MTHFD1L: variants seen among roughly 807,000 people sequenced by gnomAD.
MTHFD1L encodes the protein monofunctional C1-tetrahydrofolate synthase, mitochondrial.
Under a neutral mutation model 119.5 loss-of-function variants are expected in MTHFD1L, and 81 were observed. That is an observed-to-expected ratio of 0.68 (90% confidence interval 0.57 to 0.82). The LOEUF (loss-of-function observed/expected upper bound fraction) is 0.82. Among genes scored for constraint, MTHFD1L ranks in the 40% least tolerant of loss-of-function variants. The pLI is 0.00. For missense variants in MTHFD1L, 1,125 were observed against 1,253.4 expected (o/e 0.90, Z 1.55); for synonymous variants, 430 against 475.2 (o/e 0.90, Z 1.24).
rs370228388 is a variant in MTHFD1L, at chr6:151,099,487, G to A, written c.*32-2039G>A. 6.0e-5 allele frequency: 74 copies of A among 1,231,818 alleles called. 1 individual carries two copies. Among genetic ancestry groups the A allele is most frequent in the East Asian group, 4.9e-4 (21 of 43,060 alleles). 76.3% of individuals were successfully genotyped at this position (1,231,818 alleles called of 1,614,324 possible). ...TTTTTGCCCTTCTCTCTTCCTCGGC[G>A]CTGCCTATGGAGGTGGCAGCCATCT... On this transcript the variant is annotated intron_variant, in intron 27 of 27. Coordinates refer to ENST00000367321, the MANE Select transcript of MTHFD1L (RefSeq NM_015440.5).
intron 24 of MTHFD1L, among the ~76,000 whole-genome samples, chr6:151,032,239 C>T (rs892398338): frequency 1.2e-4 from 19 of 152,196 alleles, no homozygotes; most frequent in South Asian, 2.1e-4. Flanking sequence ...TATTTTGGCT[C>T]ATGGTTCTGA....
chr6:150,945,568 A>G, intron 15 of MTHFD1L, 27 bp downstream of exon 15: 1 of 1,596,116 alleles, frequency 6.3e-7, no homozygotes, highest in Non-Finnish European at 8.6e-7. Context: ...CAATTCTTTA[A>G]AAAGAAAATA....
At chr6:151,055,071 GC>G (rs1480414264) in intron 26 of MTHFD1L, 1 of 152,140 alleles carries the variant, frequency 6.6e-6, no homozygotes, top group Non-Finnish European at 1.5e-5. Context: ...TTTGAGACCA[GC>G]CTGGCCAACG....
chr6:150,987,631 T>A (rs1481671497), intron 20 of MTHFD1L, among the ~76,000 whole-genome samples: 1 of 152,226 alleles, frequency 6.6e-6, no homozygotes, highest in African/African-American at 2.4e-5. Context: ...GAGCAGGAAT[T>A]TGAACCTGAG....
chr6:150,908,361 G>A (rs927388804), intron 8 of MTHFD1L, among the ~76,000 whole-genome samples: 1 of 151,648 alleles, frequency 6.6e-6, no homozygotes, highest in Non-Finnish European at 1.5e-5. Flanking sequence ...AGTGGCTCAC[G>A]CCTGTAATCC....
At chr6:150,958,831 G>A (rs1624256) in intron 17 of MTHFD1L, among the ~76,000 whole-genome samples, 43,147 of 152,076 alleles carry the variant, frequency 0.28, 6,456 homozygotes, top group East Asian at 0.49. Flanking sequence ...TAAAGTGAAT[G>A]ACAGTGATAC....
chr6:150,873,002 G>A (rs1257959442), intron 1 of MTHFD1L, among the ~76,000 whole-genome samples: 2 of 151,796 alleles, frequency 1.3e-5, no homozygotes, highest in Non-Finnish European at 2.9e-5. Context: ...ACTTTTTGAC[G>A]ATTGCCGACT....
intron 19 of MTHFD1L, among the ~76,000 whole-genome samples, chr6:150,969,145 C>T (rs1033203359): frequency 6.7e-6 from 1 of 148,390 alleles, no homozygotes; most frequent in African/African-American, 2.6e-5. Flanking sequence ...CCACGCCCAG[C>T]AAATTTTTGT....
intron 20 of MTHFD1L, among the ~76,000 whole-genome samples, chr6:150,979,283 T>A (rs1419443622): frequency 6.6e-6 from 1 of 152,174 alleles, no homozygotes; most frequent in African/African-American, 2.4e-5. Context: ...CAGCAGATGG[T>A]CACAGTTACA....
At chr6:150,871,175 T>C (rs1040775629) in intron 1 of MTHFD1L, among the ~76,000 whole-genome samples, 2 of 145,994 alleles carry the variant, frequency 1.4e-5, no homozygotes, top group African/African-American at 5.0e-5. Context: ...TTAATAATAA[T>C]ATATATACCT....
At chr6:151,020,163 G>A (rs993353698) in intron 24 of MTHFD1L, among the ~76,000 whole-genome samples, 3 of 152,286 alleles carry the variant, frequency 2.0e-5, no homozygotes, top group African/African-American at 7.2e-5. Context: ...GGCATCTTGT[G>A]TGCTATTCTT....
At chr6:150,949,256 A>G (rs1412500278) in intron 16 of MTHFD1L, 123 bp downstream of exon 16, 5 of 704,772 alleles carry the variant, frequency 7.1e-6, no homozygotes, top group African/African-American at 5.3e-5. Flanking sequence ...CCTGTGCTTC[A>G]TATTCCCACC....
intron 26 of MTHFD1L, among the ~76,000 whole-genome samples, chr6:151,061,325 A>G (rs1288655342): frequency 1.3e-5 from 2 of 152,220 alleles, no homozygotes; most frequent in African/African-American, 4.8e-5. Flanking sequence ...GCATTGAACT[A>G]TGACGACACC....
At chr6:151,044,292 A>G (rs1453432668) in intron 26 of MTHFD1L, among the ~76,000 whole-genome samples, 1 of 145,374 alleles carries the variant, frequency 6.9e-6, no homozygotes, top group East Asian at 2.0e-4. Context: ...GCATGGGTAC[A>G]TTCTTTTTTT....
At chr6:150,993,949 A>G (rs1447205060) in intron 20 of MTHFD1L, among the ~76,000 whole-genome samples, 1 of 151,652 alleles carries the variant, frequency 6.6e-6, no homozygotes, top group Non-Finnish European at 1.5e-5. Context: ...GCAGTGTTGA[A>G]GCAGTTTGCA....
At chr6:150,967,117 CA>C (rs66540648) in intron 19 of MTHFD1L, among the ~76,000 whole-genome samples, 68,066 of 152,002 alleles carry the variant, frequency 0.45, 16,643 homozygotes, top group South Asian at 0.59. Flanking sequence ...CTCCTGCCCC[CA>C]CCTGCATCCT....
At chr6:150,963,992 C>A (rs1301759256) in intron 18 of MTHFD1L, among the ~76,000 whole-genome samples, 2 of 152,062 alleles carry the variant, frequency 1.3e-5, no homozygotes, top group African/African-American at 2.4e-5. Flanking sequence ...ATGGTGAAAC[C>A]CCATCTCTGC....
intron 18 of MTHFD1L, among the ~76,000 whole-genome samples, chr6:150,961,969 AATCT>A (rs1445529115): frequency 1.3e-5 from 2 of 151,992 alleles, no homozygotes; most frequent in Non-Finnish European, 2.9e-5. Flanking sequence ...TGCTTCCTTA[AATCT>A]ATTTATTTAT....
intron 20 of MTHFD1L, among the ~76,000 whole-genome samples, chr6:151,004,007 TTAAAA>T (rs1263000509): frequency 7.5e-6 from 1 of 134,004 alleles, no homozygotes; most frequent in African/African-American, 2.7e-5. Flanking sequence ...ATGCTTTTTT[TTAAAA>T]AAAAAAAAAA....
Sources: gnomAD v4.1 joint callset for allele counts (sites outside exome capture counted in the v4.1 genomes callset) on GRCh38, gnomAD v4.1.1 for gene constraint, MANE v1.5 for transcripts, NCBI Gene and HGNC (gene_info 2026-07-23, HGNC 2026-07-21) for gene names.